TDP2: variants seen among roughly 807,000 people sequenced by gnomAD.
TDP2 encodes the protein tyrosyl-DNA phosphodiesterase 2.
TDP2 carries 38 observed loss-of-function variants against 42.8 expected under a neutral mutation model. The ratio of observed to expected loss-of-function variants is 0.89; its 90% CI spans 0.68 to 1.16. The LOEUF is 1.16. Among genes scored for constraint, TDP2 ranks in the 50% most tolerant of loss-of-function variants. TDP2 has a pLI of 0.00. For synonymous variants in TDP2, 173 were observed against 150.6 expected (o/e 1.15, Z -1.09); for missense variants, 439 against 439.3 (o/e 1.00, Z 0.01).
Position 24,666,781 on chromosome 6 carries a change from G to A in TDP2, c.82C>T (p.Leu28=), listed in dbSNP as rs146127613. The part of the protein sequence containing the change: ...GEPEVKKRRL[L]CVEFASVASC... The stretch of plus-strand genomic sequence containing the variant: ...GCGACCGAGGCAAACTCCACACACA[G>A]AAGTCGCCGCTTTTTCACCTCAGGC... Residue 28 remains leucine, a synonymous_variant, in exon 1 of 7, where the codon CTG becomes TTG. Coordinates refer to ENST00000378198, the MANE Select transcript of TDP2 (RefSeq NM_016614.3). 16 of 1,614,138 alleles carry A rather than the reference G, an allele frequency of 9.9e-6. No homozygotes were observed. The highest frequency in any genetic ancestry group is 2.2e-5 in the East Asian group (1 of 44,886).
intron 3 of TDP2, among the ~76,000 whole-genome samples, chr6:24,658,166 A>C (rs3212229): frequency 0.077 from 11,678 of 152,294 alleles, 1,321 homozygotes; most frequent in East Asian, 0.45. Context: ...ATGGTCCTAC[A>C]CACTAAGAGA....
rs1441429372 is a variant in TDP2 at position 24,653,025 on chromosome 6, A to G, written c.765T>C (p.Ala255=). Residue 255 remains alanine, a synonymous_variant, in exon 6 of 7, where the codon GCT becomes GCC. Coordinates refer to ENST00000378198, the MANE Select transcript of TDP2 (RefSeq NM_016614.3). ...TTGTATCTCCTGCAAATATAACTGT[A>G]GCTGACTCTGGAGCCTCTTGCATTT... ...LKKMQEAPES[A]TVIFAGDTNL... The G allele has an allele frequency of 3.7e-6, 6 of 1,614,042 alleles. No homozygotes were observed. The highest frequency in any genetic ancestry group is 5.1e-6 in the Non-Finnish European group (6 of 1,180,028).
intron 4 of TDP2, among the ~76,000 whole-genome samples, chr6:24,655,547 T>C (rs570239840): frequency 6.6e-6 from 1 of 152,322 alleles, no homozygotes; most frequent in Non-Finnish European, 1.5e-5. Flanking sequence ...CTCAACTCCT[T>C]AGAGCTAAGT....
At chr6:24,666,643 G>C (rs1416520581) in intron 1 of TDP2, 32 bp from the exon 2 acceptor site, 5 of 1,614,040 alleles carry the variant, frequency 3.1e-6, no homozygotes, top group Non-Finnish European at 4.2e-6. Flanking sequence ...GATGAGGTTT[G>C]TGCGCTCCAC....
Position 24,653,161 on chromosome 6 carries a change from A to G in TDP2, c.637-8T>C, listed in dbSNP as rs1159603909. Reference sequence around the variant, plus strand: ...ATTTCCTGACACGTTCACCTGCAGCAGGACAAACAGTCATTAAAACTGTCC... The same window carrying G: ...ATTTCCTGACACGTTCACCTGCAGCGGGACAAACAGTCATTAAAACTGTCC... On this transcript the variant is annotated splice_polypyrimidine_tract_variant and splice_region_variant and intron_variant, in intron 5 of 6. Transcript: ENST00000378198. 6.2e-7 allele frequency: 1 copy of G among 1,613,808 alleles called. No individual in the cohort carries two copies. Among genetic ancestry groups the G allele is most frequent in the East Asian group, 2.2e-5 (1 of 44,870 alleles).
At chr6:24,658,159 G>T (rs1461904589) in intron 3 of TDP2, among the ~76,000 whole-genome samples, 2 of 152,178 alleles carry the variant, frequency 1.3e-5, no homozygotes, top group African/African-American at 4.8e-5. Context: ...GACTTCAATG[G>T]TCCTACACAC....
In TDP2 at chr6:24,653,175, T is replaced by C. The variant is rs760501353; in HGVS notation, c.637-22A>G. ...TCACCTGCAGCAGGACAAACAGTCA[T>C]TAAAACTGTCCACTGACTATTAATA... is the stretch of plus-strand genomic sequence containing the variant. On this transcript the variant is annotated intron_variant, in intron 5 of 6. Coordinates refer to ENST00000378198, the MANE Select transcript of TDP2 (RefSeq NM_016614.3). 7.4e-6 allele frequency: 12 copies of C among 1,612,016 alleles called. No homozygotes were observed. In the Middle Eastern group the frequency reaches 4.9e-4, roughly 66 times the overall value.
chr6:24,658,728 G>C lies in TDP2; in HGVS notation c.258C>G (p.Asp86Glu). 1 of 1,612,776 alleles carries C rather than the reference G, an allele frequency of 6.2e-7. No individual in the cohort carries two copies. The highest frequency in any genetic ancestry group is 8.5e-7 in the Non-Finnish European group (1 of 1,179,418). ...ETISEPKTYV[D>E]LTNEETTDST... ...AATCAGTTGTTTCTTCATTGGTTAG[G>C]TCAACACTGGCAAGATCAGAATAAA... is the stretch of plus-strand genomic sequence containing the variant. The change falls in exon 3 of 7, where the codon GAC (aspartate) becomes GAG (glutamate). Residue 86 changes from aspartate to glutamate, a missense_variant. Asp to Glu is a conservative substitution (Grantham distance 45). Transcript: ENST00000378198.
intron 2 of TDP2, among the ~76,000 whole-genome samples, chr6:24,665,236 G>T (rs1778211757): frequency 6.6e-6 from 1 of 152,188 alleles, no homozygotes; most frequent in Admixed American, 6.5e-5. Flanking sequence ...CCTCACAGGT[G>T]CTAAGTTAAC....
intron 2 of TDP2, among the ~76,000 whole-genome samples, chr6:24,659,885 C>T (rs1205465705): frequency 6.6e-6 from 1 of 152,176 alleles, no homozygotes; most frequent in East Asian, 1.9e-4. Context: ...AACCCTGGAA[C>T]TGCCATGTAA....
rs1399660567 is a variant in TDP2, at chr6:24,654,428, T to C, written c.620A>G (p.Asn207Ser). The stretch of plus-strand genomic sequence containing the variant: ...ATTACTCACATGCACACATAAAAGG[T>C]TTCTCATCATTTTGGTACTTGGAAA... ...IPFPSTKMMRNLLCVHVNVSG... is the reference protein window; with the variant it reads ...IPFPSTKMMRSLLCVHVNVSG... The change falls in exon 5 of 7, where the codon AAC becomes AGC. Residue 207 changes from asparagine to serine, a missense_variant. By Grantham distance (46) the Asn-to-Ser change is conservative. Coordinates refer to ENST00000378198, the MANE Select transcript of TDP2 (RefSeq NM_016614.3). The C allele has an allele frequency of 6.6e-7, 1 of 1,524,198 alleles. No individual in the cohort carries two copies. The allele number at this position is 1,524,198 out of a possible 1,614,324, so 94.4% of individuals were successfully genotyped here. A position where few individuals can be genotyped will look rare whatever the true frequency, so the allele number is the denominator to read the frequency against.
intron 2 of TDP2, among the ~76,000 whole-genome samples, chr6:24,662,423 A>G (rs765608628): frequency 3.3e-5 from 5 of 152,052 alleles, no homozygotes; most frequent in Non-Finnish European, 7.4e-5. Context: ...TGGCGGCAAT[A>G]CTACTCTTTA....
Position 24,666,809 on chromosome 6 carries a change from G to A in TDP2, c.54C>T (p.Gly18=), listed in dbSNP as rs534169765. The A allele has an allele frequency of 4.4e-5, 71 of 1,614,038 alleles. No homozygotes were observed. The Middle Eastern group carries it at 1.2e-3, about 26-fold the overall frequency. The change falls in exon 1 of 7, where the codon GGC becomes GGT. Residue 18 remains glycine (G), a synonymous_variant. Coordinates refer to ENST00000378198, the MANE Select transcript of TDP2 (RefSeq NM_016614.3). The stretch of plus-strand genomic sequence containing the variant: ...GTCGCCGCTTTTTCACCTCAGGCTC[G>A]CCCTCTTCCTCCGCCGCCTCCCTCC... ...EGGREAAEEE[G]EPEVKKRRLL...
At chr6:24,663,005 C>A (rs777034914) in intron 2 of TDP2, among the ~76,000 whole-genome samples, 1 of 152,196 alleles carries the variant, frequency 6.6e-6, no homozygotes, top group Admixed American at 6.5e-5. Flanking sequence ...CCGGCACACA[C>A]ACCTTTTTTT....
At position 24,657,833 on chromosome 6, in the gene TDP2, T is replaced by C. The variant is rs35977478; in HGVS notation, c.496A>G (p.Ser166Gly). The C allele has an allele frequency of 4.5e-6, 7 of 1,571,022 alleles. No homozygotes were observed. The highest frequency in any genetic ancestry group is 1.7e-6 in the Non-Finnish European group (2 of 1,155,400). The change falls in exon 4 of 7, where the codon AGT (serine) becomes GGT (glycine). Residue 166 changes from serine (S) to glycine (G), a missense_variant. Ser to Gly is a moderately conservative substitution (Grantham distance 56). Coordinates refer to ENST00000378198, the MANE Select transcript of TDP2 (RefSeq NM_016614.3). ...TTACCTGTAATAATCTCATAATTAC[T>C]TGATCTCTTCTTTAGGTAGCTATAA... ...PYYSYLKKRS[S>G]NYEIITGHEE...
chr6:24,657,083 T>TG (rs1175098567), intron 4 of TDP2, among the ~76,000 whole-genome samples: 1 of 152,224 alleles, frequency 6.6e-6, no homozygotes, highest in African/African-American at 2.4e-5. Flanking sequence ...AGTTGACACT[T>TG]GAACAACACA....
intron 4 of TDP2, among the ~76,000 whole-genome samples, chr6:24,655,030 T>C (rs1778041817): frequency 6.6e-6 from 1 of 152,062 alleles, no homozygotes; most frequent in Admixed American, 6.5e-5. Context: ...AATAGTGAAA[T>C]TCCGTCTCAA....
intron 2 of TDP2, chr6:24,666,101 A>AT: frequency 1.3e-6 from 2 of 1,537,654 alleles, no homozygotes; most frequent in South Asian, 1.2e-5. Context: ...TTAAAAAAAA[A>AT]TAACAACAAC....
Position 24,666,548 on chromosome 6 carries a change from T to C in TDP2, c.229A>G (p.Thr77Ala). 1 of 1,614,028 alleles carries C rather than the reference T, an allele frequency of 6.2e-7. No individual in the cohort carries two copies. The highest frequency in any genetic ancestry group is 1.3e-5 in the African/African-American group (1 of 75,012). Residue 77 changes from threonine (T) to alanine (A), a missense_variant, in exon 2 of 7, where the codon ACC becomes GCC. Transcript: ENST00000378198. ...TACTAGGTCTTGGGCTCAGAGATGG[T>C]TTCAGGTCGGCGTTCCAAGGCGCTC... ...EESALERRPE[T>A]ISEPKTYVDL...
Sources: gnomAD v4.1 joint callset for allele counts (sites outside exome capture counted in the v4.1 genomes callset) on GRCh38, gnomAD v4.1.1 for gene constraint, MANE v1.5 for transcripts, NCBI Gene and HGNC (gene_info 2026-07-23, HGNC 2026-07-21) for gene names.